SAMMSON: variants seen among roughly 807,000 people sequenced by gnomAD.
SAMMSON encodes the protein survival associated mitochondrial melanoma specific oncogenic non-coding RNA.
chr3:70,238,548 G>A (rs567461988), intron 4 of SAMMSON, among the ~76,000 whole-genome samples: 1 of 152,034 alleles, frequency 6.6e-6, no homozygotes, highest in African/African-American at 2.4e-5. Flanking sequence ...GGTGGTGAAG[G>A]CTGCAATGAG....
chr3:70,232,421 G>C (rs1265694145), intron 4 of SAMMSON, among the ~76,000 whole-genome samples: 2 of 145,160 alleles, frequency 1.4e-5, no homozygotes, highest in Admixed American at 1.4e-4. Flanking sequence ...TTTTTTTCTT[G>C]CGATGGAGTC....
chr3:70,308,803 G>C (rs1447590108), intron 7 of SAMMSON, among the ~76,000 whole-genome samples: 2 of 152,090 alleles, frequency 1.3e-5, no homozygotes, highest in African/African-American at 4.8e-5. Context: ...TACTCAGAAT[G>C]GTGATGATGG....
chr3:70,321,732 A>G (rs1034935639), intron 7 of SAMMSON, among the ~76,000 whole-genome samples: 3 of 152,034 alleles, frequency 2.0e-5, no homozygotes, highest in African/African-American at 7.2e-5. Context: ...AAACTAGCTG[A>G]CATCCAGATA....
At chr3:70,367,073 G>A (rs1702927923) in intron 9 of SAMMSON, among the ~76,000 whole-genome samples, 1 of 151,600 alleles carries the variant, frequency 6.6e-6, no homozygotes. Flanking sequence ...AGTATCTGTG[G>A]TGTTTTGGCA....
At chr3:70,231,653 C>T (rs1701560950) in intron 4 of SAMMSON, among the ~76,000 whole-genome samples, 1 of 151,876 alleles carries the variant, frequency 6.6e-6, no homozygotes, top group South Asian at 2.1e-4. Context: ...CAGGGAAACA[C>T]GCTAAGGAGA....
intron 4 of SAMMSON, among the ~76,000 whole-genome samples, chr3:70,106,759 A>G (rs2067368804): frequency 6.6e-6 from 1 of 152,164 alleles, no homozygotes. Context: ...AAATTCAGCT[A>G]TGGTCATTGC....
chr3:70,266,177 A>G (rs991098074), intron 6 of SAMMSON, among the ~76,000 whole-genome samples: 5 of 152,074 alleles, frequency 3.3e-5, no homozygotes, highest in Admixed American at 6.5e-5. Flanking sequence ...TATTAAAAAT[A>G]TTTACAAACA....
At chr3:70,320,435 A>T (rs545929627) in intron 7 of SAMMSON, among the ~76,000 whole-genome samples, 1 of 152,202 alleles carries the variant, frequency 6.6e-6, no homozygotes, top group South Asian at 2.1e-4. Flanking sequence ...TTCTACCATC[A>T]GCAGAAATGT....
intron 4 of SAMMSON, among the ~76,000 whole-genome samples, chr3:70,203,336 C>A (rs928728508): frequency 6.6e-6 from 1 of 152,084 alleles, no homozygotes; most frequent in Non-Finnish European, 1.5e-5. Context: ...CCCACTCCCC[C>A]ACACTGAGTT....
intron 9 of SAMMSON, among the ~76,000 whole-genome samples, chr3:70,383,341 T>TAAAA (rs1463605579): frequency 1.6e-4 from 16 of 99,590 alleles, no homozygotes; most frequent in African/African-American, 6.0e-4. Flanking sequence ...TCCCTTAAAA[T>TAAAA]AAAAATAAAA....
At chr3:70,078,779 C>T (rs755237708) in intron 4 of SAMMSON, among the ~76,000 whole-genome samples, 4 of 152,130 alleles carry the variant, frequency 2.6e-5, no homozygotes, top group Non-Finnish European at 4.4e-5. Context: ...AGTTGTTGGG[C>T]ACGTTCAGGG....
intron 4 of SAMMSON, among the ~76,000 whole-genome samples, chr3:70,147,617 A>G (rs528266730): frequency 1.3e-5 from 2 of 152,192 alleles, no homozygotes; most frequent in Admixed American, 1.3e-4. Context: ...AAGAAAATAA[A>G]CCTTGACCTA....
chr3:70,170,492 A>G lies in SAMMSON; in HGVS notation n.508-78615A>G, dbSNP rs190436197. Among the ~76,000 whole-genome samples the G allele has an allele frequency of 1.6e-3, 248 of 151,774 alleles. 3 individuals are homozygous for G. The highest frequency in any genetic ancestry group is 5.7e-3 in the African/African-American group (237 of 41,514). ...ACATAATATTTTTACTTTATACCGC[A>G]CAATTAATGGCCATATGGTATTAAA... On this transcript the variant is annotated intron_variant and non_coding_transcript_variant, in intron 4 of 9. Coordinates refer to ENST00000642114, the Ensembl canonical transcript of SAMMSON.
intron 7 of SAMMSON, among the ~76,000 whole-genome samples, chr3:70,301,133 T>G (rs567206193): frequency 5.3e-5 from 8 of 152,256 alleles, no homozygotes; most frequent in South Asian, 4.1e-4. Context: ...ACAAAAGTTC[T>G]TTTCTTCTGA....
At chr3:70,150,782 A>G (rs1033128190) in intron 4 of SAMMSON, among the ~76,000 whole-genome samples, 5 of 152,042 alleles carry the variant, frequency 3.3e-5, no homozygotes, top group Admixed American at 6.6e-5. Context: ...CGTGCATATG[A>G]AGAGAAGCCA....
intron 7 of SAMMSON, among the ~76,000 whole-genome samples, chr3:70,316,310 C>G (rs1480676176): frequency 1.3e-5 from 2 of 152,058 alleles, no homozygotes; most frequent in African/African-American, 4.8e-5. Flanking sequence ...TATCACTTTT[C>G]AGTGTTTTTA....
At chr3:70,294,218 T>C (rs1364534955) in intron 7 of SAMMSON, among the ~76,000 whole-genome samples, 1 of 152,194 alleles carries the variant, frequency 6.6e-6, no homozygotes, top group Non-Finnish European at 1.5e-5. Context: ...ACTTATTCTT[T>C]AGAATAAAAA....
At chr3:70,102,615 T>C (rs1217526658) in intron 4 of SAMMSON, among the ~76,000 whole-genome samples, 1 of 152,046 alleles carries the variant, frequency 6.6e-6, no homozygotes, top group Non-Finnish European at 1.5e-5. Flanking sequence ...TTCTGTAAGG[T>C]AAACTGGGTA....
intron 4 of SAMMSON, among the ~76,000 whole-genome samples, chr3:70,247,019 G>A (rs1701713653): frequency 6.6e-6 from 1 of 151,836 alleles, no homozygotes; most frequent in African/African-American, 2.4e-5. Flanking sequence ...TCGCCTATCT[G>A]TTTCCATGAC....
Sources: gnomAD v4.1 joint callset for allele counts (sites outside exome capture counted in the v4.1 genomes callset) on GRCh38, gnomAD v4.1.1 for gene constraint, MANE v1.5 for transcripts, NCBI Gene and HGNC (gene_info 2026-07-23, HGNC 2026-07-21) for gene names.